RABGAP1L: variants seen among roughly 807,000 people sequenced by gnomAD.
The protein encoded by RABGAP1L is rab GTPase-activating protein 1-like.
In RABGAP1L, 63 loss-of-function variants were observed where a neutral mutation model predicts 137.7. The observed-to-expected ratio is 0.46, with a 90% CI of 0.37 to 0.56. RABGAP1L has a LOEUF of 0.56. Among genes scored for constraint, RABGAP1L ranks in the 20% least tolerant of loss-of-function variants. RABGAP1L has a pLI of 0.00. For synonymous variants in RABGAP1L, 431 were observed against 433.7 expected (o/e 0.99, Z 0.08); for missense variants, 1,095 against 1,244.0 (o/e 0.88, Z 1.80).
intron 1 of RABGAP1L, among the ~76,000 whole-genome samples, chr1:174,166,246 T>G (rs1363823859): frequency 2.0e-5 from 3 of 151,992 alleles, no homozygotes; most frequent in African/African-American, 7.3e-5. Flanking sequence ...TTTTTGTTTG[T>G]TTTTTGTTTT....
chr1:174,675,340 T>C (rs1436802862), intron 14 of RABGAP1L, among the ~76,000 whole-genome samples: 1 of 151,892 alleles, frequency 6.6e-6, no homozygotes, highest in Non-Finnish European at 1.5e-5. Flanking sequence ...ATTTATTAAA[T>C]AGGGAATCCT....
At chr1:174,233,250 C>T (rs907874655) in intron 4 of RABGAP1L, among the ~76,000 whole-genome samples, 4 of 146,964 alleles carry the variant, frequency 2.7e-5, no homozygotes, top group African/African-American at 1.0e-4. Context: ...GTAAGATGTG[C>T]AAGAATATGA....
chr1:174,890,896 G>A (rs2149118384), intron 19 of RABGAP1L, among the ~76,000 whole-genome samples: 1 of 152,252 alleles, frequency 6.6e-6, no homozygotes, highest in South Asian at 2.1e-4. Context: ...CTGTGAGTGT[G>A]TAGGTTGTTT....
chr1:174,974,461 G>A (rs1026313522), intron 21 of RABGAP1L, among the ~76,000 whole-genome samples: 6 of 152,092 alleles, frequency 3.9e-5, no homozygotes, highest in African/African-American at 1.2e-4. Context: ...TTAAAATGCC[G>A]TACTTTATGC....
At chr1:174,902,330 C>T (rs991567284) in intron 19 of RABGAP1L, among the ~76,000 whole-genome samples, 3 of 152,202 alleles carry the variant, frequency 2.0e-5, no homozygotes, top group Non-Finnish European at 2.9e-5. Flanking sequence ...CCTCTCCCCC[C>T]CAGGAACTCA....
intron 4 of RABGAP1L, among the ~76,000 whole-genome samples, chr1:174,235,048 T>G (rs901006453): frequency 5.1e-5 from 7 of 137,172 alleles, no homozygotes; most frequent in Admixed American, 4.3e-4. Context: ...GGGAGTTCAC[T>G]CATGATTTGG....
At chr1:174,634,946 G>A (rs1295104748) in intron 13 of RABGAP1L, among the ~76,000 whole-genome samples, 4 of 147,694 alleles carry the variant, frequency 2.7e-5, no homozygotes, top group South Asian at 4.3e-4. Context: ...TGACGAGTTA[G>A]TGGGTGCAGC....
chr1:174,239,183 G>T (rs1037447393), intron 4 of RABGAP1L, among the ~76,000 whole-genome samples: 3 of 152,184 alleles, frequency 2.0e-5, no homozygotes, highest in African/African-American at 7.2e-5. Context: ...TCCCTAGTGA[G>T]ATGAACCCGG....
At chr1:174,310,882 A>G (rs1035832236) in intron 11 of RABGAP1L, among the ~76,000 whole-genome samples, 1 of 152,152 alleles carries the variant, frequency 6.6e-6, no homozygotes, top group African/African-American at 2.4e-5. Context: ...ATTCTCTCAT[A>G]TAACTCTTTG....
chr1:174,450,274 A>T (rs1225971051), intron 13 of RABGAP1L, among the ~76,000 whole-genome samples: 1 of 152,118 alleles, frequency 6.6e-6, no homozygotes, highest in Non-Finnish European at 1.5e-5. Flanking sequence ...TTTTTGTGTT[A>T]GGTCTACGAT....
intron 19 of RABGAP1L, among the ~76,000 whole-genome samples, chr1:174,929,550 TG>T (rs1663383868): frequency 6.6e-6 from 1 of 152,030 alleles, no homozygotes; most frequent in Non-Finnish European, 1.5e-5. Flanking sequence ...GAGACCAGCC[TG>T]GGCAACATAA....
intron 12 of RABGAP1L, among the ~76,000 whole-genome samples, chr1:174,389,476 C>T (rs755873613): frequency 2.8e-4 from 42 of 152,098 alleles, no homozygotes; most frequent in Non-Finnish European, 4.6e-4. Context: ...ATAACTCTTT[C>T]CCTTTGAAAT....
intron 14 of RABGAP1L, among the ~76,000 whole-genome samples, chr1:174,654,247 G>T (rs991024973): frequency 1.7e-4 from 26 of 152,154 alleles, no homozygotes; most frequent in Admixed American, 1.7e-3. Flanking sequence ...CTATGGCCTT[G>T]GTACAAACGC....
At chr1:174,933,647 G>T (rs561160247) in intron 19 of RABGAP1L, among the ~76,000 whole-genome samples, 3 of 152,268 alleles carry the variant, frequency 2.0e-5, no homozygotes, top group South Asian at 2.1e-4. Flanking sequence ...AGAAACTCTG[G>T]TTATGGGGCC....
At chr1:174,632,454 G>A (rs867986241) in intron 13 of RABGAP1L, among the ~76,000 whole-genome samples, 1 of 148,890 alleles carries the variant, frequency 6.7e-6, no homozygotes, top group African/African-American at 2.5e-5. Flanking sequence ...TGCTAGATTG[G>A]GGAAGTTCTC....
intron 19 of RABGAP1L, among the ~76,000 whole-genome samples, chr1:174,821,857 C>T (rs1691057388): frequency 6.6e-6 from 1 of 152,200 alleles, no homozygotes; most frequent in Non-Finnish European, 1.5e-5. Flanking sequence ...TGTTCCTTTT[C>T]TATAAAGACC....
chr1:174,422,586 C>T (rs925300929), intron 13 of RABGAP1L, among the ~76,000 whole-genome samples: 2 of 151,716 alleles, frequency 1.3e-5, no homozygotes, highest in Non-Finnish European at 2.9e-5. Context: ...AAATACAGGC[C>T]CAAGAGAAGT....
chr1:174,688,576 A>G (rs1185017224), intron 15 of RABGAP1L, among the ~76,000 whole-genome samples: 1 of 152,146 alleles, frequency 6.6e-6, no homozygotes, highest in Non-Finnish European at 1.5e-5. Context: ...AGTCAAATTT[A>G]CGCACTTGTA....
intron 19 of RABGAP1L, among the ~76,000 whole-genome samples, chr1:174,872,867 T>A (rs909801283): frequency 6.6e-6 from 1 of 152,124 alleles, no homozygotes; most frequent in Non-Finnish European, 1.5e-5. Flanking sequence ...GTGAACACTG[T>A]GAACATTTTG....
Sources: gnomAD v4.1 joint callset for allele counts (sites outside exome capture counted in the v4.1 genomes callset) on GRCh38, gnomAD v4.1.1 for gene constraint, MANE v1.5 for transcripts, NCBI Gene and HGNC (gene_info 2026-07-23, HGNC 2026-07-21) for gene names.